CFAP46: variants seen among roughly 807,000 people sequenced by gnomAD.
CFAP46 encodes cilia and flagella associated protein 46.
CFAP46 carries 245 observed loss-of-function variants against 325.7 expected under a neutral mutation model. The observed-to-expected ratio is 0.75, with a 90% CI of 0.68 to 0.84. The LOEUF (loss-of-function observed/expected upper bound fraction) is 0.84, where lower values mean the gene tolerates loss of function less well. Among genes scored for constraint, CFAP46 ranks in the 40% least tolerant of loss-of-function variants. The pLI is 0.00. For synonymous variants in CFAP46, 1,523 were observed against 1,495.9 expected, an observed-to-expected ratio of 1.02 and a Z score of -0.42; for missense variants, 3,346 against 3,543.0, an observed-to-expected ratio of 0.94 and a Z score of 1.41.
rs538266605 is a variant in CFAP46, at chr10:132,877,099, C to A, written c.4213-138G>T. 167 of 796,570 alleles carry A rather than the reference C, an allele frequency of 2.1e-4. No individual in the cohort carries two copies. The highest frequency in any genetic ancestry group is 3.0e-4 in the Non-Finnish European group (151 of 505,574). 49.3% of individuals were successfully genotyped at this position (796,570 alleles called of 1,614,324 possible). ...CATCCTCCCCACCACCAGGTCCCAGCGAGTGCCCAGATCCAGCCTCTGATA... is the reference window on the plus strand; with the variant it reads ...CATCCTCCCCACCACCAGGTCCCAGAGAGTGCCCAGATCCAGCCTCTGATA... On this transcript the variant is annotated intron_variant, in intron 30 of 57. Transcript: ENST00000368586. This position sits in a 1 kb window ranked among gnomAD's most constrained non-coding sequence, Gnocchi z 5.7.
At chr10:132,819,557 A>G (rs182831154) in intron 50 of CFAP46, among the ~76,000 whole-genome samples, 66 of 152,364 alleles carry the variant, frequency 4.3e-4, no homozygotes, top group African/African-American at 1.5e-3. Context: ...GGCCCGATAG[A>G]AGAGAATGGA....
chr10:132,836,793 C>G (rs1296921876), intron 45 of CFAP46, 24 bp downstream of exon 45: 1 of 1,604,374 alleles, frequency 6.2e-7, no homozygotes, highest in South Asian at 1.1e-5. Flanking sequence ...TGGGGGCGGC[C>G]TCAACAAGAA....
intron 33 of CFAP46, among the ~76,000 whole-genome samples, chr10:132,868,471 ACAGATAACTCACG>A: frequency 6.6e-6 from 1 of 151,108 alleles, no homozygotes; most frequent in South Asian, 2.2e-4. Flanking sequence ...CTCACGGTGC[ACAGATAACTCACG>A]GTACTGAAAA....
Position 132,867,488 on chromosome 10 carries a change from A to C in CFAP46, c.4630T>G (p.Leu1544Val). ...GGCTCCTTATTTTTCTCTTTTTTCA[A>C]CGCGATCTCTTTTCTGCAGCTAATG... ...EQASCRKEIALKKEKNKEPLL... is the reference protein window; with the variant it reads ...EQASCRKEIAVKKEKNKEPLL... The change falls in exon 34 of 58, where the codon TTG becomes GTG. Residue 1544 changes from leucine to valine, a missense_variant. Leu to Val is a conservative substitution (Grantham distance 32, BLOSUM62 1). Transcript: ENST00000368586. The C allele has an allele frequency of 6.5e-7, 1 of 1,550,056 alleles. No homozygotes were observed. Among genetic ancestry groups the C allele is most frequent in the Non-Finnish European group, 8.7e-7 (1 of 1,146,914 alleles).
chr10:132,937,190 T>A (rs1850021515), intron 6 of CFAP46, 135 bp from the exon 7 acceptor site: 2 of 528,500 alleles, frequency 3.8e-6, no homozygotes, highest in Middle Eastern at 5.0e-4. Flanking sequence ...ATTCCCCATA[T>A]GTCAAAATGG....
chr10:132,877,421 G>C lies in CFAP46; in HGVS notation c.4212+460C>G, dbSNP rs1848971890. On this transcript the variant is annotated intron_variant, in intron 30 of 57. Transcript: ENST00000368586. This position sits in a 1 kb window ranked among gnomAD's most constrained non-coding sequence, Gnocchi z 5.7. Reference sequence around the variant, plus strand: ...CCAGCACTTTGAGAAGTGGATACTTGCAGAGAGAAAGGTTTCATGAGATGA... The same window carrying C: ...CCAGCACTTTGAGAAGTGGATACTTCCAGAGAGAAAGGTTTCATGAGATGA... Among the ~76,000 whole-genome samples the C allele has an allele frequency of 6.6e-6, 1 of 152,200 alleles. No homozygotes were observed. The highest frequency in any genetic ancestry group is 2.1e-4 in the South Asian group (1 of 4,826).
intron 11 of CFAP46, among the ~76,000 whole-genome samples, chr10:132,924,270 C>T (rs910911494): frequency 5.3e-5 from 8 of 152,246 alleles, no homozygotes; most frequent in Admixed American, 3.9e-4. Context: ...TGATGCCTGC[C>T]GCCTGCTGCC....
intron 17 of CFAP46, 50 bp from the exon 18 acceptor site, chr10:132,913,308 G>A (rs1336822682): frequency 2.7e-6 from 4 of 1,501,104 alleles, no homozygotes; most frequent in Admixed American, 2.0e-5. Flanking sequence ...CCAGCCCCGG[G>A]GCCAGGCACC....
chr10:132,918,495 G>C lies in CFAP46; in HGVS notation c.1884C>G (p.Gly628=). Residue 628 remains glycine, a synonymous_variant, in exon 16 of 58, where the codon GGC becomes GGG. Transcript: ENST00000368586. ...RRGKKKRGRD[G]SVQDTWSQPE... Reference sequence around the variant, plus strand: ...GCTGGCTCCAGGTGTCCTGCACCGAGCCGTCCCTACCTCGCTTCTTCTTCC... The same window carrying C: ...GCTGGCTCCAGGTGTCCTGCACCGACCCGTCCCTACCTCGCTTCTTCTTCC... 2.0e-6 allele frequency: 3 copies of C among 1,533,732 alleles called. No homozygotes were observed. Among genetic ancestry groups the C allele is most frequent in the Non-Finnish European group, 2.6e-6 (3 of 1,133,576 alleles).
intron 13 of CFAP46, among the ~76,000 whole-genome samples, 179 bp downstream of exon 13, chr10:132,921,925 C>T (rs1187907953): frequency 6.6e-6 from 1 of 152,224 alleles, no homozygotes; most frequent in Non-Finnish European, 1.5e-5. Flanking sequence ...GCACAGAAGA[C>T]CGTCGCTGGG....
rs1849094630 is a variant in CFAP46, at chr10:132,884,599, C to A, written c.3627+504G>T. 6.6e-6 allele frequency among the ~76,000 whole-genome samples: 1 copy of A among 152,184 alleles called. No homozygotes were observed. Among genetic ancestry groups the A allele is most frequent in the East Asian group, 1.9e-4 (1 of 5,172 alleles). On this transcript the variant is annotated intron_variant, in intron 27 of 57. Coordinates refer to ENST00000368586, the MANE Select transcript of CFAP46 (RefSeq NM_001200049.3). This position sits in a 1 kb window ranked among gnomAD's most constrained non-coding sequence, Gnocchi z 5.4. The stretch of plus-strand genomic sequence containing the variant: ...GAGGCATCAAATCAACGCCAAAGCA[C>A]CCACCTCCTCCTGAGCCCACCCCAA...
intron 4 of CFAP46, 22 bp downstream of exon 4, chr10:132,940,974 C>T (rs757096487): frequency 5.6e-6 from 9 of 1,612,558 alleles, no homozygotes; most frequent in African/African-American, 4.0e-5. Flanking sequence ...CAGTGAGAAA[C>T]GGCCACTTCA....
chr10:132,877,092 G>T lies in CFAP46; in HGVS notation c.4213-131C>A. On this transcript the variant is annotated intron_variant, in intron 30 of 57. Coordinates refer to ENST00000368586, the MANE Select transcript of CFAP46 (RefSeq NM_001200049.3). The surrounding 1 kb of genome is among the most constrained non-coding windows in gnomAD (Gnocchi z 5.7). ...CAGCCGGCATCCTCCCCACCACCAG[G>T]TCCCAGCGAGTGCCCAGATCCAGCC... 1.2e-6 allele frequency: 1 copy of T among 826,730 alleles called. No individual in the cohort carries two copies. Among genetic ancestry groups the T allele is most frequent in the Non-Finnish European group, 1.9e-6 (1 of 532,126 alleles). The allele number at this position is 826,730 out of a possible 1,614,324, so 51.2% of individuals were successfully genotyped here.
At chr10:132,837,931 A>ATGCACGGACCCAGACACGCACGTG (rs1554876895) in intron 44 of CFAP46, among the ~76,000 whole-genome samples, 4 of 142,216 alleles carry the variant, frequency 2.8e-5, no homozygotes, top group Non-Finnish European at 4.7e-5. Context: ...ACACGCAGAC[A>ATGCACGGACCCAGACACGCACGTG]TGCACGGACA....
Position 132,859,239 on chromosome 10 carries a change from C to A in CFAP46, c.5207G>T (p.Ser1736Ile). 6.5e-7 allele frequency: 1 copy of A among 1,548,306 alleles called. No homozygotes were observed. The highest frequency in any genetic ancestry group is 8.7e-7 in the Non-Finnish European group (1 of 1,146,526). The change falls in exon 38 of 58, where the codon AGC (serine) becomes ATC (isoleucine). Residue 1736 changes from serine (S) to isoleucine (I), a missense_variant. Ser to Ile is a moderately radical substitution (Grantham distance 142). Coordinates refer to ENST00000368586, the MANE Select transcript of CFAP46 (RefSeq NM_001200049.3). Reference sequence around the variant, plus strand: ...GTGCTGCGCAACTCTGACCCGCAGGCTCAGGCACCTGACGGAGGGACGGTT... The same window carrying A: ...GTGCTGCGCAACTCTGACCCGCAGGATCAGGCACCTGACGGAGGGACGGTT... ...MITDLEARCL[S>I]LRVRVAQHSA...
chr10:132,814,562 C>A lies in CFAP46; in HGVS notation c.7285+15G>T. ...CTGGCGTGTGCCTGAACAGGGAGCC[C>A]TGTGCAGCACCCACCTGGGCCCTGG... is the stretch of plus-strand genomic sequence containing the variant. On this transcript the variant is annotated intron_variant, in intron 53 of 57. Coordinates refer to ENST00000368586, the MANE Select transcript of CFAP46 (RefSeq NM_001200049.3). 1.3e-6 allele frequency: 2 copies of A among 1,556,440 alleles called. No individual in the cohort carries two copies. Among genetic ancestry groups the A allele is most frequent in the African/African-American group, 1.4e-5 (1 of 73,904 alleles).
intron 44 of CFAP46, among the ~76,000 whole-genome samples, chr10:132,839,342 A>G (rs1029503573): frequency 6.6e-6 from 1 of 152,220 alleles, no homozygotes; most frequent in Admixed American, 6.5e-5. Context: ...GTGGAAAACA[A>G]CATTGCTAAT....
chr10:132,842,483 C>T (rs982856662), intron 44 of CFAP46, among the ~76,000 whole-genome samples: 2 of 152,186 alleles, frequency 1.3e-5, no homozygotes, highest in Non-Finnish European at 2.9e-5. Context: ...GAATCACCCT[C>T]AATGATCCAT....
At chr10:132,816,333 T>A (rs1010335121) in intron 50 of CFAP46, among the ~76,000 whole-genome samples, 6 of 145,494 alleles carry the variant, frequency 4.1e-5, no homozygotes, top group African/African-American at 1.5e-4. Context: ...TTCTTCTTTT[T>A]TTTTTTTTTT....
Sources: allele counts gnomAD v4.1 joint callset (sites outside exome capture counted in the v4.1 genomes callset), GRCh38; gene constraint gnomAD v4.1.1; non-coding constraint Gnocchi (gnomAD v3.1); transcripts MANE v1.5; gene names NCBI Gene and HGNC (gene_info 2026-07-23, HGNC 2026-07-21).